The following IL34 variants were observed in gnomAD, a reference collection of about 807,000 sequenced individuals.
IL34 encodes the protein interleukin-34.
In IL34, 17 loss-of-function variants were observed where a neutral mutation model predicts 25.3. That is an observed-to-expected ratio of 0.67 (90% CI 0.46 to 1.01). The LOEUF (loss-of-function observed/expected upper bound fraction) is 1.01. Among genes scored for constraint, IL34 ranks in the 50% least tolerant of loss-of-function variants. The probability of loss-of-function intolerance (pLI) is 0.00; values close to 1 mark genes in which losing one functional copy is unlikely to be tolerated. For synonymous variants in IL34, 174 were observed against 140.9 expected (o/e 1.23, Z -1.66); for missense variants, 368 against 312.9 (o/e 1.18, Z -1.33).
chr16:70,657,243 C>T, intron 4 of IL34, 122 bp downstream of exon 4: 3 of 1,019,292 alleles, frequency 2.9e-6, no homozygotes, highest in Non-Finnish European at 4.2e-6. Context: ...TGGGCACAAG[C>T]AGAGGGACGT....
chr16:70,614,233 C>G (rs1047039356), intron 1 of IL34, among the ~76,000 whole-genome samples: 3 of 151,376 alleles, frequency 2.0e-5, no homozygotes, highest in Middle Eastern at 3.2e-3. Context: ...CCCAGACTTT[C>G]TGAGTGAGTC....
At chr16:70,644,845 AGGG>A (rs1383239245), upstream of IL34, among the ~76,000 whole-genome samples, 1 of 135,616 alleles carries the variant, frequency 7.4e-6, no homozygotes, top group Non-Finnish European at 1.6e-5. Flanking sequence ...AAGAGGAAGG[AGGG>A]AAGAGGAGGA....
rs191709214 is a variant in IL34 at position 70,582,585 on chromosome 16, C to T, written c.-401+2536C>T. Among the ~76,000 whole-genome samples the T allele has an allele frequency of 1.9e-4, 29 of 152,334 alleles. 1 individual carries two copies. Among genetic ancestry groups the T allele is most frequent in the South Asian group, 8.3e-4 (4 of 4,826 alleles). ...CCTGTGGCCTAGAATTACGTGAGAT[C>T]ACACAGATAAAGCAGTTGGCCCCAA... On this transcript the variant is annotated intron_variant, in intron 1 of 6. Coordinates refer to the IL34 transcript ENST00000429149.
intron 1 of IL34, among the ~76,000 whole-genome samples, chr16:70,632,912 G>A (rs1369623535): frequency 6.6e-6 from 1 of 152,082 alleles, no homozygotes. Flanking sequence ...ATTTTCTATT[G>A]TTAAAATTGG....
chr16:70,587,233 G>C (rs2050705140), intron 1 of IL34, among the ~76,000 whole-genome samples: 2 of 152,030 alleles, frequency 1.3e-5, no homozygotes, highest in African/African-American at 4.8e-5. Flanking sequence ...TGGGGATGGG[G>C]GCTGCTGAGA....
intron 5 of IL34, 30 bp downstream of exon 5, chr16:70,659,783 G>C (rs754307833): frequency 1.9e-6 from 3 of 1,578,018 alleles, no homozygotes; most frequent in Non-Finnish European, 2.6e-6. Flanking sequence ...TGGCGCCTGG[G>C]GGTGGGAGGC....
intron 1 of IL34, among the ~76,000 whole-genome samples, chr16:70,619,134 A>G (rs969278859): frequency 3.3e-5 from 5 of 152,148 alleles, no homozygotes; most frequent in African/African-American, 9.7e-5. Flanking sequence ...TAAGGAGTTT[A>G]TAGGCTTTAA....
At chr16:70,610,878 G>A (rs1279267865) in intron 1 of IL34, among the ~76,000 whole-genome samples, 2 of 152,204 alleles carry the variant, frequency 1.3e-5, no homozygotes, top group African/African-American at 4.8e-5. Flanking sequence ...TTGATTCTGA[G>A]GGCAGATTCC....
At chr16:70,657,216 G>T (rs1478252089) in intron 4 of IL34, 95 bp downstream of exon 4, 3 of 1,321,666 alleles carry the variant, frequency 2.3e-6, no homozygotes, top group Non-Finnish European at 3.1e-6. Context: ...GAGGGAAAGG[G>T]TGAATACACG....
chr16:70,627,270 T>C (rs971476872), intron 1 of IL34, among the ~76,000 whole-genome samples: 5 of 152,190 alleles, frequency 3.3e-5, no homozygotes, highest in African/African-American at 1.2e-4. Context: ...AGCTGAAGTA[T>C]AACACACATA....
In IL34 at chr16:70,660,308, G is replaced by T; in HGVS notation, c.*121G>T. 1 of 922,466 alleles carries T rather than the reference G, an allele frequency of 1.1e-6. No individual in the cohort carries two copies. The highest frequency in any genetic ancestry group is 1.6e-6 in the Non-Finnish European group (1 of 643,140). The allele number at this position is 922,466 out of a possible 1,614,324, so 57.1% of individuals were successfully genotyped here. A position where few individuals can be genotyped will look rare whatever the true frequency, so the allele number is the denominator to read the frequency against. On this transcript the variant is annotated 3_prime_UTR_variant, in exon 6 of 6. Coordinates refer to ENST00000288098, the MANE Select transcript of IL34 (RefSeq NM_001393494.1). ...CCCTTGGGAGAGGACCCCTGGGAAG[G>T]GTGTTTTTCCTTTGAGGGGGATTCT...
At chr16:70,657,173 G>A (rs1248445788) in intron 4 of IL34, 52 bp downstream of exon 4, 4 of 1,558,670 alleles carry the variant, frequency 2.6e-6, no homozygotes, top group Non-Finnish European at 2.6e-6. Flanking sequence ...GCACACGTGT[G>A]TACATGTGTG....
intron 1 of IL34, among the ~76,000 whole-genome samples, chr16:70,585,430 C>T (rs558254909): frequency 1.4e-4 from 22 of 151,992 alleles, no homozygotes; most frequent in African/African-American, 4.1e-4. Flanking sequence ...CGGTGGCTCA[C>T]GCCTGTAATC....
chr16:70,631,736 C>T, intron 1 of IL34, among the ~76,000 whole-genome samples: 1 of 152,114 alleles, frequency 6.6e-6, no homozygotes, highest in Admixed American at 6.5e-5. Flanking sequence ...TCCCTAGAAG[C>T]AGGTATACAC....
At chr16:70,630,502 G>A (rs1169115819) in intron 1 of IL34, among the ~76,000 whole-genome samples, 1 of 151,896 alleles carries the variant, frequency 6.6e-6, no homozygotes, top group African/African-American at 2.4e-5. Flanking sequence ...AAAGTGCTGG[G>A]ATTACAGGAA....
chr16:70,638,875 C>T (rs1312555158), intron 1 of IL34, among the ~76,000 whole-genome samples: 1 of 152,170 alleles, frequency 6.6e-6, no homozygotes, highest in Non-Finnish European at 1.5e-5. Flanking sequence ...TGCCACCGCA[C>T]CAGCCCAGTT....
chr16:70,633,134 T>C (rs919242153), intron 1 of IL34, among the ~76,000 whole-genome samples: 1 of 134,176 alleles, frequency 7.5e-6, no homozygotes, highest in Non-Finnish European at 1.6e-5. Flanking sequence ...CTGGCTAATT[T>C]TTGTATTTTT....
chr16:70,631,842 T>A (rs2051525203), intron 1 of IL34, among the ~76,000 whole-genome samples: 1 of 152,070 alleles, frequency 6.6e-6, no homozygotes, highest in Non-Finnish European at 1.5e-5. Flanking sequence ...TGGTCCTTCA[T>A]TTCCTCATCA....
upstream of IL34, among the ~76,000 whole-genome samples, chr16:70,644,806 TG>T (rs1406781533): frequency 9.3e-6 from 1 of 107,210 alleles, no homozygotes; most frequent in Non-Finnish European, 1.9e-5. Flanking sequence ...GGAGGAGGAA[TG>T]AAAAGGAGGA....
Sources: allele counts gnomAD v4.1 joint callset (sites outside exome capture counted in the v4.1 genomes callset), GRCh38; gene constraint gnomAD v4.1.1; transcripts MANE v1.5; gene names NCBI Gene and HGNC (gene_info 2026-07-23, HGNC 2026-07-21).